Variants in GRIN3A observed in about 807,000 individuals in gnomAD.
GRIN3A encodes the protein glutamate ionotropic receptor NMDA type subunit 3A.
In GRIN3A, 47 loss-of-function variants were observed where a neutral mutation model predicts 92.4. The observed-to-expected ratio is 0.51, with a 90% CI of 0.40 to 0.65. GRIN3A has a LOEUF of 0.65. GRIN3A is among the 30% of genes least tolerant of loss of function. The pLI is 0.00. For missense variants in GRIN3A, 1,324 were observed against 1,393.1 expected (o/e 0.95, Z 0.79); for synonymous variants, 527 against 540.6 (o/e 0.97, Z 0.35).
intron 1 of GRIN3A, among the ~76,000 whole-genome samples, chr9:101,721,108 C>T (rs1289394823): frequency 6.6e-6 from 1 of 152,180 alleles, no homozygotes; most frequent in Non-Finnish European, 1.5e-5. Context: ...ACCCAAATCT[C>T]AACTTGAATT....
chr9:101,668,825 T>C (rs1829275652), intron 3 of GRIN3A, among the ~76,000 whole-genome samples: 1 of 152,106 alleles, frequency 6.6e-6, no homozygotes, highest in Non-Finnish European at 1.5e-5. Context: ...CTATGAAAAA[T>C]CTTTAAAGCT....
At chr9:101,734,271 T>C (rs1336456499) in intron 1 of GRIN3A, among the ~76,000 whole-genome samples, 1 of 152,174 alleles carries the variant, frequency 6.6e-6, no homozygotes, top group Non-Finnish European at 1.5e-5. Flanking sequence ...AGGTTCATAT[T>C]CAGCATCATT....
intron 2 of GRIN3A, 47 bp from the exon 3 acceptor site, chr9:101,671,154 T>TCTGA: frequency 7.9e-7 from 1 of 1,268,196 alleles, no homozygotes; most frequent in Non-Finnish European, 1.2e-6. Flanking sequence ...CAGTGAGGCC[T>TCTGA]AAGATAGGAA....
At chr9:101,671,168 G>A in intron 2 of GRIN3A, 61 bp from the exon 3 acceptor site, 1 of 1,124,978 alleles carries the variant, frequency 8.9e-7, no homozygotes, top group East Asian at 2.3e-5. Flanking sequence ...ATAGGAAGCA[G>A]TGTTCAGCTT....
chr9:101,646,815 A>C (rs1033406109), intron 3 of GRIN3A, among the ~76,000 whole-genome samples: 2 of 151,694 alleles, frequency 1.3e-5, no homozygotes, highest in Admixed American at 1.3e-4. Flanking sequence ...TAGATTGTTT[A>C]CTGTTGGTAC....
intron 6 of GRIN3A, among the ~76,000 whole-genome samples, chr9:101,599,035 A>C (rs73659541): frequency 0.03 from 4,552 of 152,288 alleles, 196 homozygotes; most frequent in African/African-American, 0.1. Context: ...GGAAAGGGTA[A>C]TGGAGAGAGC....
chr9:101,656,762 A>C (rs1340852278), intron 3 of GRIN3A, among the ~76,000 whole-genome samples: 1 of 151,898 alleles, frequency 6.6e-6, no homozygotes, highest in Admixed American at 6.6e-5. Context: ...AAGATAGAAC[A>C]GGATTGGTTC....
At position 101,572,106 on chromosome 9, in the gene GRIN3A, A is replaced by G. The variant is rs559867186; in HGVS notation, c.*1068T>C. The stretch of plus-strand genomic sequence containing the variant: ...GGATGGGGGATTGACTTGATTTTCT[A>G]TACAGATATGCAAAGTGCAGGGCAG... On this transcript the variant is annotated 3_prime_UTR_variant, in exon 9 of 9. Coordinates refer to ENST00000361820, the MANE Select transcript of GRIN3A (RefSeq NM_133445.3). 6 of 152,450 alleles carry G rather than the reference A, an allele frequency of 3.9e-5. No homozygotes were observed. Among genetic ancestry groups the G allele is most frequent in the Admixed American group, 6.5e-5 (1 of 15,294 alleles). The allele number at this position is 152,450 out of a possible 1,614,324, so 9.4% of individuals were successfully genotyped here.
chr9:101,735,404 C>CA (rs1554725105), intron 1 of GRIN3A, among the ~76,000 whole-genome samples: 2 of 151,756 alleles, frequency 1.3e-5, no homozygotes, highest in East Asian at 1.9e-4. Context: ...ATCCACCCCC[C>CA]ACCCCGGTCT....
chr9:101,629,754 A>T (rs1828688053), intron 3 of GRIN3A, among the ~76,000 whole-genome samples: 1 of 152,250 alleles, frequency 6.6e-6, no homozygotes, highest in African/African-American at 2.4e-5. Context: ...CTGAATCCTC[A>T]TAATAGCTTC....
At chr9:101,573,632 G>A in intron 8 of GRIN3A, 119 bp from the exon 9 acceptor site, 1 of 817,304 alleles carries the variant, frequency 1.2e-6, no homozygotes, top group Non-Finnish European at 2.0e-6. Flanking sequence ...TAGAGATGAA[G>A]TAACAAAGCC....
chr9:101,587,387 C>T (rs145132154), intron 6 of GRIN3A, among the ~76,000 whole-genome samples: 3 of 151,906 alleles, frequency 2.0e-5, no homozygotes, highest in Non-Finnish European at 4.4e-5. Flanking sequence ...GGATTAAGGT[C>T]CTCTAGCTCC....
intron 3 of GRIN3A, among the ~76,000 whole-genome samples, chr9:101,645,390 G>T (rs571231196): frequency 6.6e-6 from 1 of 151,718 alleles, no homozygotes; most frequent in Non-Finnish European, 1.5e-5. Flanking sequence ...CCACTCATTT[G>T]TTGATAGACA....
rs75440211 is a variant in GRIN3A at position 101,609,621 on chromosome 9, G to A, written c.2766+3755C>T. ...TTGGTAAGTCTCCAATAGTGTGTTC[G>A]CTTCTGTGTGTCCAGGTAGAGTTAG... On this transcript the variant is annotated intron_variant, in intron 6 of 8. Coordinates refer to ENST00000361820, the MANE Select transcript of GRIN3A (RefSeq NM_133445.3). 4.3e-4 allele frequency among the ~76,000 whole-genome samples: 66 copies of A among 152,252 alleles called. No homozygotes were observed. The East Asian group carries it at 0.011, about 25-fold the overall frequency.
rs1226041505 is a variant in GRIN3A, at chr9:101,569,380, C to T, written c.*3794G>A. The T allele has an allele frequency of 2.0e-5, 3 of 152,202 alleles. No homozygotes were observed. Among genetic ancestry groups the T allele is most frequent in the Admixed American group, 6.5e-5 (1 of 15,278 alleles). The allele number at this position is 152,202 out of a possible 1,614,324, so 9.4% of individuals were successfully genotyped here. On this transcript the variant is annotated 3_prime_UTR_variant, in exon 9 of 9. Transcript: ENST00000361820. ...AGTTTCTATCTGAACATTTATTCCA[C>T]AGTCATAGAAACTGAAGATGGAAAA...
At chr9:101,726,587 T>G (rs1231607105) in intron 1 of GRIN3A, among the ~76,000 whole-genome samples, 24 of 152,134 alleles carry the variant, frequency 1.6e-4, no homozygotes, top group Non-Finnish European at 2.9e-5. Context: ...CCAATAGAAC[T>G]TCCTATGGAA....
intron 6 of GRIN3A, among the ~76,000 whole-genome samples, chr9:101,595,640 C>G (rs573727493): frequency 1.4e-4 from 22 of 152,132 alleles, no homozygotes; most frequent in African/African-American, 5.3e-4. Context: ...GCAGATACCG[C>G]GCAGAATTTC....
chr9:101,617,518 T>C (rs41343045), intron 5 of GRIN3A, among the ~76,000 whole-genome samples: 18,317 of 152,160 alleles, frequency 0.12, 1,958 homozygotes, highest in African/African-American at 0.29. Context: ...CACTCGATCA[T>C]GTCTAGGTTA....
chr9:101,647,309 G>T (rs1304388776), intron 3 of GRIN3A, among the ~76,000 whole-genome samples: 1 of 151,812 alleles, frequency 6.6e-6, no homozygotes. Context: ...TGAGTTGTGT[G>T]TGTTGAACCA....
Sources: allele counts gnomAD v4.1 joint callset (sites outside exome capture counted in the v4.1 genomes callset), GRCh38; gene constraint gnomAD v4.1.1; transcripts MANE v1.5; gene names NCBI Gene and HGNC (gene_info 2026-07-23, HGNC 2026-07-21).